Variants in NBEAL1 observed in about 807,000 individuals in gnomAD.
The protein encoded by NBEAL1 is neurobeachin-like protein 1.
A neutral mutation model predicts 351.3 loss-of-function variants in NBEAL1; 273 were observed. That is an observed-to-expected ratio of 0.78 (90% CI 0.70 to 0.86). The LOEUF (loss-of-function observed/expected upper bound fraction) is 0.86, where lower values mean the gene tolerates loss of function less well. NBEAL1 is among the 40% of genes least tolerant of loss of function. NBEAL1 has a pLI of 0.00. For synonymous variants in NBEAL1, 1,050 were observed against 1,086.4 expected (o/e 0.97, Z 0.66); for missense variants, 2,961 against 3,201.3 (o/e 0.92, Z 1.81).
rs1452314636 is a variant in NBEAL1 at position 203,183,326 on chromosome 2, G to A, written c.6643G>A (p.Val2215Ile). 2.5e-6 allele frequency: 4 copies of A among 1,602,776 alleles called. No homozygotes were observed. The highest frequency in any genetic ancestry group is 2.6e-6 in the Non-Finnish European group (3 of 1,175,604). The change falls in exon 44 of 56, where the codon GTC becomes ATC. Residue 2215 changes from valine to isoleucine, a missense_variant. By Grantham distance (29) the Val-to-Ile change is conservative (BLOSUM62 3). Coordinates refer to ENST00000683969, the MANE Select transcript of NBEAL1 (RefSeq NM_001378026.1). ...LQISKELVNDVILPKWAKSAE... is the reference protein window; with the variant it reads ...LQISKELVNDIILPKWAKSAE... ...GATTTCCAAAGAATTAGTAAATGAT[G>A]TCATTCTCCCGAAATGGGCTAAATC...
intron 6 of NBEAL1, among the ~76,000 whole-genome samples, chr2:203,064,729 G>C (rs2106115428): frequency 6.6e-6 from 1 of 152,282 alleles, no homozygotes; most frequent in East Asian, 1.9e-4. Flanking sequence ...GACACTGAAT[G>C]CAATACCTGA....
At chr2:203,196,186 T>G (rs192625515) in intron 47 of NBEAL1, among the ~76,000 whole-genome samples, 42 of 152,356 alleles carry the variant, frequency 2.8e-4, no homozygotes, top group African/African-American at 8.9e-4. Context: ...TATCTAATCA[T>G]TTGTGACTTT....
intron 54 of NBEAL1, 33 bp from the exon 55 acceptor site, chr2:203,213,485 T>C (rs748532708): frequency 6.4e-7 from 1 of 1,561,148 alleles, no homozygotes; most frequent in South Asian, 1.1e-5. Flanking sequence ...TAAATCCGTG[T>C]AATTATGTCT....
At chr2:203,182,837 C>G (rs1264203584) in intron 43 of NBEAL1, 1 of 152,266 alleles carries the variant, frequency 6.6e-6, no homozygotes, top group African/African-American at 2.4e-5. Context: ...ATGCAAGTAT[C>G]TATTTAGAAT....
chr2:203,050,622 G>A (rs973031123), intron 4 of NBEAL1, among the ~76,000 whole-genome samples: 5 of 152,158 alleles, frequency 3.3e-5, no homozygotes, highest in African/African-American at 9.6e-5. Context: ...ATCAAATAAA[G>A]TATAATTATC....
intron 2 of NBEAL1, among the ~76,000 whole-genome samples, chr2:203,025,574 A>T (rs1347372999): frequency 6.6e-6 from 1 of 152,220 alleles, no homozygotes; most frequent in East Asian, 1.9e-4. Flanking sequence ...TTCTAGGCAC[A>T]ATTATTCATA....
chr2:203,137,684 T>A (rs1211259919), intron 29 of NBEAL1, among the ~76,000 whole-genome samples: 1 of 152,182 alleles, frequency 6.6e-6, no homozygotes, highest in Non-Finnish European at 1.5e-5. Flanking sequence ...TCTCCATTGT[T>A]GTTAAATTCC....
intron 31 of NBEAL1, 44 bp from the exon 32 acceptor site, chr2:203,144,556 T>C (rs2106336244): frequency 6.6e-7 from 1 of 1,520,498 alleles, no homozygotes; most frequent in East Asian, 2.3e-5. Flanking sequence ...TCACTAAATG[T>C]TTGCTTTAGT....
chr2:203,026,892 A>C (rs2060867835), intron 2 of NBEAL1, among the ~76,000 whole-genome samples: 1 of 152,206 alleles, frequency 6.6e-6, no homozygotes, highest in Admixed American at 6.5e-5. Flanking sequence ...CTTAATTTTC[A>C]ATAGTCTTTC....
chr2:203,178,853 A>G lies in NBEAL1; in HGVS notation c.6465-1529A>G, dbSNP rs2064607299. 1.3e-5 allele frequency among the ~76,000 whole-genome samples: 2 copies of G among 152,194 alleles called. 1 individual carries two copies. Among genetic ancestry groups the G allele is most frequent in the South Asian group, 4.1e-4 (2 of 4,832 alleles). On this transcript the variant is annotated intron_variant, in intron 42 of 55. Coordinates refer to ENST00000683969, the MANE Select transcript of NBEAL1 (RefSeq NM_001378026.1). Reference sequence around the variant, plus strand: ...GAGTAATGAGAATGTTGTAAAATTCACTGTGATGATAGTTGCACAATTATG... The same window carrying G: ...GAGTAATGAGAATGTTGTAAAATTCGCTGTGATGATAGTTGCACAATTATG...
chr2:203,122,441 A>G (rs1460885398), intron 19 of NBEAL1, 98 bp downstream of exon 19: 1 of 723,516 alleles, frequency 1.4e-6, no homozygotes. Context: ...GATCTAAATA[A>G]TAGGTCTCAG....
chr2:203,157,119 A>G (rs940091781), intron 35 of NBEAL1, among the ~76,000 whole-genome samples: 2 of 152,186 alleles, frequency 1.3e-5, no homozygotes, highest in Non-Finnish European at 2.9e-5. Flanking sequence ...TCACCACTTC[A>G]TAGACCATGT....
chr2:203,068,665 G>A (rs2882693), intron 7 of NBEAL1, among the ~76,000 whole-genome samples, 190 bp downstream of exon 7: 2,553 of 152,152 alleles, frequency 0.017, 68 homozygotes, highest in East Asian at 0.087. Context: ...TATTTAATTT[G>A]CTGTTCTCAA....
chr2:203,204,648 C>G (rs1353588349), intron 51 of NBEAL1, among the ~76,000 whole-genome samples: 2 of 152,026 alleles, frequency 1.3e-5, no homozygotes, highest in African/African-American at 4.8e-5. Flanking sequence ...TAGGAAGTGT[C>G]TTTTCATGTT....
intron 2 of NBEAL1, 44 bp from the exon 3 acceptor site, chr2:203,041,721 T>TC: frequency 7.5e-7 from 1 of 1,335,382 alleles, no homozygotes; most frequent in Non-Finnish European, 1.0e-6. Context: ...ATTTTTTTTT[T>TC]CCTGATAGGC....
Position 203,209,165 on chromosome 2 carries a change from G to T in NBEAL1, c.7628G>T (p.Gly2543Val). 6.2e-7 allele frequency: 1 copy of T among 1,611,620 alleles called. No homozygotes were observed. The highest frequency in any genetic ancestry group is 2.2e-5 in the East Asian group (1 of 44,804). The change falls in exon 53 of 56, where the codon GGA becomes GTA. Residue 2543 changes from glycine (G) to valine (V), a missense_variant. Transcript: ENST00000683969. The stretch of plus-strand genomic sequence containing the variant: ...TCTGATATATCCTGTGTGTAGGATG[G>T]AACGGTGATTATACATACCATTCAG... ...LDMAVSGSRD[G>V]TVIIHTIQKG...
Position 203,135,865 on chromosome 2 carries a change from G to T in NBEAL1, c.4002G>T (p.Lys1334Asn), listed in dbSNP as rs767222912. The T allele has an allele frequency of 1.2e-6, 2 of 1,613,984 alleles. No individual in the cohort carries two copies. The highest frequency in any genetic ancestry group is 3.3e-5 in the Admixed American group (2 of 59,992). Residue 1334 changes from lysine (K) to asparagine (N), a missense_variant, in exon 28 of 56, where the codon AAG becomes AAT. Coordinates refer to ENST00000683969, the MANE Select transcript of NBEAL1 (RefSeq NM_001378026.1). ...DKNMSTEDTK[K>N]NSDEKTDEEK... is the part of the protein sequence containing the mutation. Reference sequence around the variant, plus strand: ...ATATGTCAACTGAAGATACCAAGAAGAACTCTGATGAAAAAACAGATGAGG... The same window carrying T: ...ATATGTCAACTGAAGATACCAAGAATAACTCTGATGAAAAAACAGATGAGG...
At chr2:203,046,403 G>C (rs914493567) in intron 3 of NBEAL1, among the ~76,000 whole-genome samples, 2 of 151,946 alleles carry the variant, frequency 1.3e-5, no homozygotes, top group African/African-American at 4.8e-5. Flanking sequence ...ATTTTTAGTA[G>C]ACATGGGGTT....
intron 2 of NBEAL1, among the ~76,000 whole-genome samples, chr2:203,030,447 G>A (rs1415669528): frequency 1.3e-5 from 2 of 152,076 alleles, no homozygotes; most frequent in Non-Finnish European, 2.9e-5. Context: ...CCCAGAGTAA[G>A]TGATCAAATA....
Sources: gnomAD v4.1 joint callset for allele counts (sites outside exome capture counted in the v4.1 genomes callset) on GRCh38, gnomAD v4.1.1 for gene constraint, MANE v1.5 for transcripts, NCBI Gene and HGNC (gene_info 2026-07-23, HGNC 2026-07-21) for gene names.